Variants in JAG2 observed in about 807,000 individuals in gnomAD.
JAG2 encodes the protein protein jagged-2.
Under a neutral mutation model 141.7 loss-of-function variants are expected in JAG2, and 46 were observed. That is an observed-to-expected ratio of 0.32 (90% confidence interval 0.26 to 0.42). The LOEUF is 0.42. JAG2 is among the 10% of genes least tolerant of loss of function. The pLI, the probability that JAG2 is intolerant of heterozygous loss-of-function variation, is 1.00. For synonymous variants in JAG2, 862 were observed against 763.5 expected, an observed-to-expected ratio of 1.13 and a Z score of -2.13; for missense variants, 1,500 against 1,817.5, an observed-to-expected ratio of 0.83 and a Z score of 3.18.
chr14:105,165,518 ACCCTGGGCCCAC>A (rs1888882831), intron 2 of JAG2, among the ~76,000 whole-genome samples: 1 of 151,966 alleles, frequency 6.6e-6, no homozygotes, highest in Non-Finnish European at 1.5e-5. Context: ...CACATTCAAG[ACCCTGGGCCCAC>A]CCACTGAGGG....
Position 105,146,708 on chromosome 14 carries a change from C to T in JAG2, c.2496G>A (p.Gln832=), listed in dbSNP as rs1423122376. The change falls in exon 21 of 26, where the codon CAG becomes CAA. Residue 832 remains glutamine, a synonymous_variant. Transcript: ENST00000331782. ...PDCRINIDEC[Q]SSPCAYGATC... Reference sequence around the variant, plus strand: ...TGGCCCCGTAGGCACAGGGCGAGGACTGGCACTCGTCGATGTCTGCAGGGA... The same window carrying T: ...TGGCCCCGTAGGCACAGGGCGAGGATTGGCACTCGTCGATGTCTGCAGGGA... 3 of 1,612,378 alleles carry T rather than the reference C, an allele frequency of 1.9e-6. No individual in the cohort carries two copies. The highest frequency in any genetic ancestry group is 1.7e-6 in the Non-Finnish European group (2 of 1,179,738).
chr14:105,159,445 G>A (rs1888667547), intron 2 of JAG2, among the ~76,000 whole-genome samples: 1 of 151,728 alleles, frequency 6.6e-6, no homozygotes, highest in Non-Finnish European at 1.5e-5. Context: ...AGGCCACGGG[G>A]CCCAGTCCCC....
In JAG2 at chr14:105,152,074, G is replaced by C; in HGVS notation, c.920-17C>G. 6.2e-7 allele frequency: 1 copy of C among 1,613,126 alleles called. No homozygotes were observed. The highest frequency in any genetic ancestry group is 8.5e-7 in the Non-Finnish European group (1 of 1,179,944). ...AGTTCAGGTCTGGGGGCAGGGGTGG[G>C]ATGCTCAGGGGAAAAGCCGGCCCCC... On this transcript the variant is annotated splice_polypyrimidine_tract_variant and intron_variant, in intron 6 of 25. Transcript: ENST00000331782.
rs113186535 is a variant in JAG2 at position 105,167,784 on chromosome 14, G to A, written c.390C>T (p.Val130=). ...RAGGDQDPGL[V]VIPFQFAWPR... ...GCCAGGCGAACTGGAAGGGGATGACGACGAGGCCCGGGTCCTGGTCGCCGC... is the reference window on the plus strand; with the variant it reads ...GCCAGGCGAACTGGAAGGGGATGACAACGAGGCCCGGGTCCTGGTCGCCGC... The change falls in exon 2 of 26, where the codon GTC becomes GTT. Residue 130 remains valine, a synonymous_variant. Coordinates refer to ENST00000331782, the MANE Select transcript of JAG2 (RefSeq NM_002226.5). The surrounding 1 kb of genome is among the most constrained non-coding windows in gnomAD (Gnocchi z 4.8). 5.6e-3 allele frequency: 8,210 copies of A among 1,463,276 alleles called. 32 individuals are homozygous for A. Among genetic ancestry groups the A allele is most frequent in the Non-Finnish European group, 6.4e-3 (7,114 of 1,109,884 alleles). The allele number at this position is 1,463,276 out of a possible 1,614,324, so 90.6% of individuals were successfully genotyped here.
In JAG2 at chr14:105,146,720, G is replaced by A. The variant is rs760581800; in HGVS notation, c.2484C>T (p.Ile828=). 42 of 1,611,384 alleles carry A rather than the reference G, an allele frequency of 2.6e-5. No individual in the cohort carries two copies. In the Admixed American group the frequency reaches 5.2e-4, roughly 20 times the overall value. Reference sequence around the variant, plus strand: ...CACAGGGCGAGGACTGGCACTCGTCGATGTCTGCAGGGAGAGCCACCGCTG... The same window carrying A: ...CACAGGGCGAGGACTGGCACTCGTCAATGTCTGCAGGGAGAGCCACCGCTG... ...GFAGPDCRIN[I]DECQSSPCAY... The change falls in exon 21 of 26, where the codon ATC becomes ATT. Residue 828 remains isoleucine, a synonymous_variant. Coordinates refer to ENST00000331782, the MANE Select transcript of JAG2 (RefSeq NM_002226.5).
At chr14:105,150,096 G>T (rs1436590425) in intron 12 of JAG2, among the ~76,000 whole-genome samples, 3 of 114,148 alleles carry the variant, frequency 2.6e-5, no homozygotes, top group Non-Finnish European at 5.4e-5. Context: ...GGGGAAGGGG[G>T]AAGGCAGGTT....
At position 105,167,163 on chromosome 14, in the gene JAG2, G is replaced by A. The variant is rs181862090; in HGVS notation, c.417+594C>T. On this transcript the variant is annotated intron_variant, in intron 2 of 25. Coordinates refer to ENST00000331782, the MANE Select transcript of JAG2 (RefSeq NM_002226.5). This position sits in a 1 kb window ranked among gnomAD's most constrained non-coding sequence, Gnocchi z 4.8. ...CAAAACCAAAAAAACCCACAAACAGGGCAGTGCCACAGAAGGTCACTGCAC... is the reference window on the plus strand; with the variant it reads ...CAAAACCAAAAAAACCCACAAACAGAGCAGTGCCACAGAAGGTCACTGCAC... Among the ~76,000 whole-genome samples the A allele has an allele frequency of 8.9e-4, 136 of 152,264 alleles. No homozygotes were observed. The highest frequency in any genetic ancestry group is 1.7e-3 in the Non-Finnish European group (118 of 67,982).
Position 105,167,920 on chromosome 14 carries a change from G to A in JAG2, c.254C>T (p.Thr85Met), listed in dbSNP as rs1296804632. The part of the protein sequence containing the change: ...LKEYQAKVTP[T>M]GPCSYGHGAT... ...GCCGTGGCCGTAGCTGCAGGGCCCC[G>A]TGGGCGTCACCTTGGCCTGGTACTC... Residue 85 changes from threonine to methionine, a missense_variant, in exon 2 of 26, where the codon ACG (threonine) becomes ATG (methionine). Physicochemically the swap from Thr to Met is moderately conservative, Grantham distance 81. This residue lies in a region of JAG2 where 200 missense variants were observed against 174.3 expected (regional missense o/e 1.15). Transcript: ENST00000331782. This position sits in a 1 kb window ranked among gnomAD's most constrained non-coding sequence, Gnocchi z 4.8. 7.5e-6 allele frequency: 12 copies of A among 1,597,686 alleles called. No individual in the cohort carries two copies. The highest frequency in any genetic ancestry group is 2.2e-5 in the South Asian group (2 of 89,928).
Position 105,168,099 on chromosome 14 carries a change from C to T in JAG2, c.75G>A (p.Arg25=). The T allele has an allele frequency of 6.4e-7, 1 of 1,555,420 alleles. No homozygotes were observed. Among genetic ancestry groups the T allele is most frequent in the South Asian group, 1.2e-5 (1 of 86,850 alleles). Residue 25 remains arginine (R), a synonymous_variant, in exon 2 of 26, where the codon CGG becomes CGA. Coordinates refer to ENST00000331782, the MANE Select transcript of JAG2 (RefSeq NM_002226.5). ...GCTGCAGCTCGAAATAGCCCATGGG[C>T]CGCGCCGCCTAAAAATAAGGCAGCG... ...LLLALWVQAA[R]PMGYFELQLS... is the part of the protein sequence containing the mutation.
rs587773091 is a variant in JAG2, at chr14:105,146,520, G to A, written c.2594-20C>T. 18 of 1,610,584 alleles carry A rather than the reference G, an allele frequency of 1.1e-5. No individual in the cohort carries two copies. Among genetic ancestry groups the A allele is most frequent in the Admixed American group, 1.7e-5 (1 of 60,024 alleles). On this transcript the variant is annotated intron_variant, in intron 21 of 25. Transcript: ENST00000331782. ...CGATCACTGTGGGGAGAAGGGGCTC[G>A]AGGGTCAGCAGTGGGCATCTGGCCC...
Position 105,168,078 on chromosome 14 carries a change from C to A in JAG2, c.96G>T (p.Leu32=). ...TCACGTTCCGCAGCGCGCTCAGCTG[C>A]AGCTCGAAATAGCCCATGGGCCGCG... ...QAARPMGYFE[L]QLSALRNVNG... The change falls in exon 2 of 26, where the codon CTG becomes CTT. Residue 32 remains leucine (L), a synonymous_variant. Transcript: ENST00000331782. 6.3e-7 allele frequency: 1 copy of A among 1,587,334 alleles called. No individual in the cohort carries two copies. Among genetic ancestry groups the A allele is most frequent in the Non-Finnish European group, 8.5e-7 (1 of 1,174,708 alleles).
In JAG2 at chr14:105,145,966, C is replaced by T; in HGVS notation, c.2717G>A (p.Cys906Tyr). Reference sequence around the variant, plus strand: ...GGCCAGCAGACAAGGCTTCCATCCGCACCACACCTGGGCAGGCACGCACAG... The same window carrying T: ...GGCCAGCAGACAAGGCTTCCATCCGTACCACACCTGGGCAGGCACGCACAG... ...DGRRDCSKVW[C>Y]GWKPCLLAGQ... The change falls in exon 23 of 26, where the codon TGC (cysteine) becomes TAC (tyrosine). Residue 906 changes from cysteine to tyrosine, a missense_variant. Transcript: ENST00000331782. 6.3e-7 allele frequency: 1 copy of T among 1,592,590 alleles called. No homozygotes were observed. The highest frequency in any genetic ancestry group is 8.5e-7 in the Non-Finnish European group (1 of 1,171,626).
chr14:105,145,052 C>T lies in JAG2; in HGVS notation c.2962G>A (p.Val988Met). ...CGGATCCCGGAGCAAATGGCGCCCA[C>T]CGTGGTGCCCTGGGCAGAGACAGGC... ...NRDHVPQGTT[V>M]GAICSGIRSL... Residue 988 changes from valine to methionine, a missense_variant, in exon 24 of 26, where the codon GTG becomes ATG. Transcript: ENST00000331782. The T allele has an allele frequency of 6.2e-7, 1 of 1,610,084 alleles. No individual in the cohort carries two copies.
In JAG2 at chr14:105,147,035, A is replaced by G. The variant is rs1312722656; in HGVS notation, c.2479+291T>C. The G allele has an allele frequency of 8.3e-6, 5 of 602,462 alleles. No homozygotes were observed. In the Admixed American group the frequency reaches 8.5e-5, roughly 10 times the overall value. The allele number at this position is 602,462 out of a possible 1,614,324, so 37.3% of individuals were successfully genotyped here. A position where few individuals can be genotyped will look rare whatever the true frequency, so the allele number is the denominator to read the frequency against. On this transcript the variant is annotated intron_variant, in intron 20 of 25. Coordinates refer to ENST00000331782, the MANE Select transcript of JAG2 (RefSeq NM_002226.5). ...AGCTGGGCCAACACCCAGGGACAAC[A>G]GCCCTGCGGCCACAGAGGAGCCCAC... is the stretch of plus-strand genomic sequence containing the variant.
At chr14:105,152,373 C>T (rs369902010) in intron 5 of JAG2, 82 bp from the exon 6 acceptor site, 4 of 1,518,138 alleles carry the variant, frequency 2.6e-6, no homozygotes, top group East Asian at 2.4e-5. Context: ...CAGTCACCCA[C>T]GCCACACCCA....
chr14:105,160,902 G>A (rs1387934166), intron 2 of JAG2, among the ~76,000 whole-genome samples: 2 of 152,006 alleles, frequency 1.3e-5, no homozygotes, highest in Non-Finnish European at 2.9e-5. Flanking sequence ...CTTTGAACAG[G>A]TGGCATTGAG....
intron 2 of JAG2, among the ~76,000 whole-genome samples, chr14:105,161,711 G>A (rs587719001): frequency 5.8e-4 from 89 of 152,234 alleles, no homozygotes; most frequent in African/African-American, 2.1e-3. Context: ...CAGCCTCCAG[G>A]ACTTATTTGC....
intron 6 of JAG2, 39 bp downstream of exon 6, chr14:105,152,122 C>A (rs201919806): frequency 3.2e-5 from 51 of 1,613,344 alleles, no homozygotes; most frequent in Non-Finnish European, 1.1e-5. Context: ...ACCCACACTT[C>A]GATGGCAGAG....
chr14:105,143,672 G>A (rs766940677), intron 24 of JAG2, 34 bp from the exon 25 acceptor site: 18 of 1,599,382 alleles, frequency 1.1e-5, no homozygotes, highest in South Asian at 5.5e-5. Context: ...GGGATGGCTC[G>A]AGGGCTCCAG....
Sources: gnomAD v4.1 joint callset for allele counts (sites outside exome capture counted in the v4.1 genomes callset) on GRCh38, gnomAD v4.1.1 for gene constraint, gnomAD v4.1.1 regional missense constraint, Gnocchi (gnomAD v3.1) non-coding constraint, MANE v1.5 for transcripts, NCBI Gene and HGNC (gene_info 2026-07-23, HGNC 2026-07-21) for gene names.